Variants in ZNF431 observed in about 807,000 individuals in gnomAD.
ZNF431 encodes zinc finger protein 431.
A neutral mutation model predicts 57.0 loss-of-function variants in ZNF431; 34 were observed. That is an observed-to-expected ratio of 0.60 (90% CI 0.45 to 0.79). ZNF431 has a LOEUF of 0.79. Ranked by LOEUF, ZNF431 falls within the 30% of genes least tolerant of loss-of-function variation. ZNF431 has a pLI of 0.00. For synonymous variants in ZNF431, 207 were observed against 220.3 expected, an observed-to-expected ratio of 0.94 and a Z score of 0.54; for missense variants, 607 against 667.1, an observed-to-expected ratio of 0.91 and a Z score of 0.99.
At chr19:21,177,310 C>G (rs1363366627) in intron 4 of ZNF431, among the ~76,000 whole-genome samples, 1 of 152,176 alleles carries the variant, frequency 6.6e-6, no homozygotes, top group African/African-American at 2.4e-5. Context: ...TTGTTTTTGT[C>G]AGGGTTTTCA....
chr19:21,153,358 C>G (rs1189777535), intron 2 of ZNF431, among the ~76,000 whole-genome samples: 3 of 152,186 alleles, frequency 2.0e-5, no homozygotes, highest in Admixed American at 2.0e-4. Context: ...TACTCAGCCT[C>G]TATTCAAAAT....
chr19:21,145,756 AG>A (rs1970068219), intron 2 of ZNF431, among the ~76,000 whole-genome samples: 1 of 152,216 alleles, frequency 6.6e-6, no homozygotes, highest in Non-Finnish European at 1.5e-5. Context: ...GTATTGCAAC[AG>A]GAAGAAGTAC....
chr19:21,164,129 A>G (rs1970652823), intron 2 of ZNF431, among the ~76,000 whole-genome samples: 1 of 151,494 alleles, frequency 6.6e-6, no homozygotes, highest in African/African-American at 2.4e-5. Context: ...CCCTTTCCAC[A>G]GTTTCTATTT....
chr19:21,143,591 G>C lies in ZNF431; in HGVS notation c.44G>C (p.Ser15Thr). 6.2e-7 allele frequency: 1 copy of C among 1,614,048 alleles called. No individual in the cohort carries two copies. The highest frequency in any genetic ancestry group is 8.5e-7 in the Non-Finnish European group (1 of 1,179,896). The change falls in exon 2 of 5, where the codon AGT (serine) becomes ACT (threonine). Residue 15 changes from serine to threonine, a missense_variant. Physicochemically the swap from Ser to Thr is moderately conservative, Grantham distance 58. Transcript: ENST00000311048. ...GGAGTGTATCCTCTCAAGGAAGCAA[G>C]TGGATGCCCTGGGGCTGAGAGGAAT... ...KYGVYPLKEASGCPGAERNLL... is the reference protein window; with the variant it reads ...KYGVYPLKEATGCPGAERNLL...
At chr19:21,172,214 G>A (rs1291692589) in intron 4 of ZNF431, among the ~76,000 whole-genome samples, 1 of 151,130 alleles carries the variant, frequency 6.6e-6, no homozygotes, top group Non-Finnish European at 1.5e-5. Context: ...AGATCACTTA[G>A]GGTCAGGAGC....
intron 4 of ZNF431, among the ~76,000 whole-genome samples, chr19:21,176,997 G>A (rs942782675): frequency 7.2e-5 from 11 of 152,082 alleles, no homozygotes; most frequent in Admixed American, 5.9e-4. Context: ...CACACCTGGT[G>A]ATAATTACTT....
At position 21,188,538 on chromosome 19, in the gene ZNF431, A is replaced by T. The variant is rs1599629208; in HGVS notation, c.*4504A>T. The T allele has an allele frequency of 1.3e-5, 2 of 152,188 alleles. No individual in the cohort carries two copies. Among genetic ancestry groups the T allele is most frequent in the African/African-American group, 4.8e-5 (2 of 41,460 alleles). The allele number at this position is 152,188 out of a possible 1,614,324, so 9.4% of individuals were successfully genotyped here. On this transcript the variant is annotated 3_prime_UTR_variant, in exon 5 of 5. Transcript: ENST00000311048. ...GTGTTAAAGGTTACAAAATAATGAA[A>T]TGACTTCAGTGGATTTAAAATTTTG...
At chr19:21,148,178 G>C (rs1970159406) in intron 2 of ZNF431, among the ~76,000 whole-genome samples, 1 of 151,922 alleles carries the variant, frequency 6.6e-6, no homozygotes, top group Non-Finnish European at 1.5e-5. Context: ...TGTATCTTTA[G>C]TAGAGACTGG....
At position 21,191,560 on chromosome 19, in the gene ZNF431, T is replaced by C. The variant is rs1163271255; in HGVS notation, c.*7526T>C. ...GGCCTTACATTTAAGTACTAATTTA[T>C]TTCGAGTTTATTTTTACATATGGTG... On this transcript the variant is annotated 3_prime_UTR_variant, in exon 5 of 5. Transcript: ENST00000311048. The C allele has an allele frequency of 6.6e-6, 1 of 152,224 alleles. No homozygotes were observed. The highest frequency in any genetic ancestry group is 1.5e-5 in the Non-Finnish European group (1 of 68,050). 9.4% of individuals were successfully genotyped at this position (152,224 alleles called of 1,614,324 possible).
At chr19:21,148,618 T>C (rs1240175997) in intron 2 of ZNF431, among the ~76,000 whole-genome samples, 2 of 152,236 alleles carry the variant, frequency 1.3e-5, no homozygotes, top group African/African-American at 4.8e-5. Context: ...AAAATCCACA[T>C]TTCCATGTCT....
At chr19:21,161,703 G>A (rs1970569774) in intron 2 of ZNF431, among the ~76,000 whole-genome samples, 1 of 152,118 alleles carries the variant, frequency 6.6e-6, no homozygotes, top group South Asian at 2.1e-4. Context: ...GCGCAGGCTG[G>A]AGTGCAGTGG....
intron 2 of ZNF431, among the ~76,000 whole-genome samples, chr19:21,146,320 G>T (rs532802186): frequency 1.4e-5 from 2 of 147,764 alleles, no homozygotes; most frequent in Non-Finnish European, 3.0e-5. Flanking sequence ...TGAGGCAAAA[G>T]AATCACTTGA....
chr19:21,173,718 G>C (rs894915249), intron 4 of ZNF431, among the ~76,000 whole-genome samples: 1 of 151,758 alleles, frequency 6.6e-6, no homozygotes, highest in Non-Finnish European at 1.5e-5. Flanking sequence ...TAGAGATGGG[G>C]CTTTCACAGT....
chr19:21,162,535 A>G (rs1398250280), intron 2 of ZNF431, among the ~76,000 whole-genome samples: 2 of 151,884 alleles, frequency 1.3e-5, no homozygotes, highest in East Asian at 1.9e-4. Context: ...TGAACTCCTG[A>G]CCTCAGGCGA....
intron 2 of ZNF431, among the ~76,000 whole-genome samples, chr19:21,153,875 C>A (rs913919346): frequency 6.6e-6 from 1 of 152,136 alleles, no homozygotes; most frequent in Non-Finnish European, 1.5e-5. Context: ...CACCACCATG[C>A]CCGTCTAATT....
Position 21,191,875 on chromosome 19 carries a change from T to C in ZNF431, c.*7841T>C, listed in dbSNP as rs912069082. 1 of 152,224 alleles carries C rather than the reference T, an allele frequency of 6.6e-6. No homozygotes were observed. The highest frequency in any genetic ancestry group is 2.4e-5 in the African/African-American group (1 of 41,472). 9.4% of individuals were successfully genotyped at this position (152,224 alleles called of 1,614,324 possible). A position where few individuals can be genotyped will look rare whatever the true frequency, so the allele number is the denominator to read the frequency against. ...TGTGATACCATATGAATTTTAGATA[T>C]ACTTTTAAAACTTTTCTATGAAGTA... On this transcript the variant is annotated 3_prime_UTR_variant, in exon 5 of 5. Coordinates refer to ENST00000311048, the MANE Select transcript of ZNF431 (RefSeq NM_133473.4).
intron 2 of ZNF431, among the ~76,000 whole-genome samples, chr19:21,148,055 G>A (rs1267515109): frequency 6.6e-6 from 1 of 151,322 alleles, no homozygotes; most frequent in Non-Finnish European, 1.5e-5. Flanking sequence ...GAGTGCTATG[G>A]CAGGATCTCA....
chr19:21,183,210 C>G lies in ZNF431; in HGVS notation c.907C>G (p.Leu303Val). The G allele has an allele frequency of 6.2e-7, 1 of 1,613,994 alleles. No homozygotes were observed. The highest frequency in any genetic ancestry group is 8.5e-7 in the Non-Finnish European group (1 of 1,179,932). Residue 303 changes from leucine (L) to valine (V), a missense_variant, in exon 5 of 5, where the codon CTT (leucine) becomes GTT (valine). Leu to Val is a conservative substitution (Grantham distance 32). Coordinates refer to ENST00000311048, the MANE Select transcript of ZNF431 (RefSeq NM_133473.4). ...CAAAGCCTTCAACCGGTCCTCACAC[C>G]TTACTACACATAAGATAATTCATAC... ...CGKAFNRSSH[L>V]TTHKIIHTGE...
At chr19:21,169,866 C>T (rs1050251753) in intron 4 of ZNF431, 21 of 398,438 alleles carry the variant, frequency 5.3e-5, no homozygotes, top group African/African-American at 4.1e-4. Context: ...GCTTCAGGGA[C>T]CACAGTAAAA....
Sources: allele counts gnomAD v4.1 joint callset (sites outside exome capture counted in the v4.1 genomes callset), GRCh38; gene constraint gnomAD v4.1.1; transcripts MANE v1.5; gene names NCBI Gene and HGNC (gene_info 2026-07-23, HGNC 2026-07-21).